The following CDK5RAP2 variants were observed in gnomAD, a reference collection of about 807,000 sequenced individuals.
CDK5RAP2 encodes CDK5 regulatory subunit associated protein 2, also known as CDK5 regulatory subunit-associated protein 2.
CDK5RAP2 carries 147 observed loss-of-function variants against 232.9 expected under a neutral mutation model. That is an observed-to-expected ratio of 0.63 (90% CI 0.55 to 0.72). The LOEUF (loss-of-function observed/expected upper bound fraction) is 0.72. CDK5RAP2 is among the 30% of genes least tolerant of loss of function. The pLI is 0.00. For synonymous variants in CDK5RAP2, 833 were observed against 833.7 expected (o/e 1.00, Z 0.01); for missense variants, 2,195 against 2,231.5 (o/e 0.98, Z 0.33).
At chr9:120,440,206 A>G (rs1240663645) in intron 23 of CDK5RAP2, 2 of 572,620 alleles carry the variant, frequency 3.5e-6, no homozygotes, top group African/African-American at 1.9e-5. Context: ...CCTCTTCCTC[A>G]GAGTGACTGT....
intron 9 of CDK5RAP2, 134 bp downstream of exon 9, chr9:120,528,610 G>A: frequency 1.4e-6 from 1 of 707,468 alleles, no homozygotes; most frequent in Admixed American, 2.0e-5. Flanking sequence ...AGTACCTTAT[G>A]CTTGACTGGC....
intron 24 of CDK5RAP2, among the ~76,000 whole-genome samples, chr9:120,438,566 G>A (rs1265467056): frequency 6.6e-6 from 1 of 152,188 alleles, no homozygotes; most frequent in African/African-American, 2.4e-5. Context: ...CTCTGTGAAT[G>A]TTCTCTGCCA....
In CDK5RAP2 at chr9:120,471,833, C is replaced by T. The variant is rs2037723540; in HGVS notation, c.1773G>A (p.Arg591=). ...QAELNKIFAL[R]KQLEQDVLSY... is the part of the protein sequence containing the mutation. ...AAAGCACATCCTGCTCCAGTTGCTT[C>T]CGCAGGGCAAAAATCTTGTTTAACT... The change falls in exon 16 of 38, where the codon CGG becomes CGA. Residue 591 remains arginine, a synonymous_variant. Coordinates refer to ENST00000349780, the MANE Select transcript of CDK5RAP2 (RefSeq NM_018249.6). 1 of 1,613,904 alleles carries T rather than the reference C, an allele frequency of 6.2e-7. No homozygotes were observed. The highest frequency in any genetic ancestry group is 1.7e-5 in the Admixed American group (1 of 60,012).
At chr9:120,424,036 G>A (rs1290927623) in intron 25 of CDK5RAP2, among the ~76,000 whole-genome samples, 3 of 152,184 alleles carry the variant, frequency 2.0e-5, no homozygotes, top group Non-Finnish European at 4.4e-5. Flanking sequence ...AGGCCTGAGT[G>A]ACCAGGCACC....
chr9:120,429,921 A>G (rs1368752515), intron 25 of CDK5RAP2, among the ~76,000 whole-genome samples: 3 of 152,198 alleles, frequency 2.0e-5, no homozygotes, highest in Non-Finnish European at 4.4e-5. Flanking sequence ...GATACAGATC[A>G]ATGGGAACAG....
intron 36 of CDK5RAP2, among the ~76,000 whole-genome samples, chr9:120,393,352 C>T (rs1328521950): frequency 6.6e-6 from 1 of 152,186 alleles, no homozygotes; most frequent in Admixed American, 6.5e-5. Flanking sequence ...TCAGTGGCTG[C>T]GCTCCTCTCT....
intron 22 of CDK5RAP2, among the ~76,000 whole-genome samples, chr9:120,445,432 C>T (rs986158192): frequency 1.3e-5 from 2 of 152,168 alleles, no homozygotes; most frequent in Admixed American, 6.5e-5. Flanking sequence ...CATTGCTTTA[C>T]GGTATAATTC....
intron 18 of CDK5RAP2, among the ~76,000 whole-genome samples, chr9:120,462,620 A>G (rs1430671073): frequency 6.6e-6 from 1 of 152,246 alleles, no homozygotes; most frequent in Non-Finnish European, 1.5e-5. Context: ...ATGAATCTCA[A>G]AAACATAATG....
chr9:120,491,386 C>T lies in CDK5RAP2; in HGVS notation c.1403G>A (p.Ser468Asn). The change falls in exon 13 of 38, where the codon AGC (serine) becomes AAC (asparagine). Residue 468 changes from serine to asparagine, a missense_variant. Physicochemically the swap from Ser to Asn is conservative, Grantham distance 46 (BLOSUM62 1). Transcript: ENST00000349780. ...ENRYKSLLSE[S>N]NKKLHNQEQV... The stretch of plus-strand genomic sequence containing the variant: ...CTCTTGATTGTGCAATTTTTTATTG[C>T]TTTCACTCAGAAGACTCTTGTAACG... The T allele has an allele frequency of 6.2e-7, 1 of 1,612,498 alleles. No individual in the cohort carries two copies. Among genetic ancestry groups the T allele is most frequent in the Non-Finnish European group, 8.5e-7 (1 of 1,178,882 alleles).
rs1018199274 is a variant in CDK5RAP2 at position 120,419,733 on chromosome 9, C to T, written c.4177+55G>A. 7.2e-6 allele frequency: 10 copies of T among 1,381,674 alleles called. No homozygotes were observed. In the African/African-American group the frequency reaches 1.4e-4, roughly 20 times the overall value. 85.6% of individuals were successfully genotyped at this position (1,381,674 alleles called of 1,614,324 possible). A position where few individuals can be genotyped will look rare whatever the true frequency, so the allele number is the denominator to read the frequency against. ...ACTCTGCTTACTAAGGTTAAGATGGCAAATTATTGTTTTAATCAGGCCATG... is the reference window on the plus strand; with the variant it reads ...ACTCTGCTTACTAAGGTTAAGATGGTAAATTATTGTTTTAATCAGGCCATG... On this transcript the variant is annotated intron_variant, in intron 27 of 37. Coordinates refer to ENST00000349780, the MANE Select transcript of CDK5RAP2 (RefSeq NM_018249.6).
intron 29 of CDK5RAP2, among the ~76,000 whole-genome samples, chr9:120,410,968 C>T (rs1455205058): frequency 6.6e-6 from 1 of 152,212 alleles, no homozygotes; most frequent in African/African-American, 2.4e-5. Context: ...AGTAGGAAAT[C>T]ACTAATTGAG....
rs1000746931 is a variant in CDK5RAP2 at position 120,574,661 on chromosome 9, C to A, written c.60-2620G>T. Among the ~76,000 whole-genome samples, 50 of 152,242 alleles carry A rather than the reference C, an allele frequency of 3.3e-4. 1 individual carries two copies. Among genetic ancestry groups the A allele is most frequent in the Admixed American group, 2.7e-3 (41 of 15,280 alleles). On this transcript the variant is annotated intron_variant, in intron 1 of 37. Coordinates refer to ENST00000349780, the MANE Select transcript of CDK5RAP2 (RefSeq NM_018249.6). Reference sequence around the variant, plus strand: ...GAAACCTGCCCTTGTATGGGGCACCCATGCTGCACAAGCACCACACTCAGC... The same window carrying A: ...GAAACCTGCCCTTGTATGGGGCACCAATGCTGCACAAGCACCACACTCAGC...
At chr9:120,568,995 C>T (rs1306200435) in intron 2 of CDK5RAP2, among the ~76,000 whole-genome samples, 2 of 152,186 alleles carry the variant, frequency 1.3e-5, no homozygotes, top group Admixed American at 6.5e-5. Context: ...CAAATCTCTC[C>T]GCAGCATCTT....
chr9:120,553,477 GT>G (rs1459301626), intron 3 of CDK5RAP2, among the ~76,000 whole-genome samples: 1 of 152,070 alleles, frequency 6.6e-6, no homozygotes, highest in Non-Finnish European at 1.5e-5. Context: ...CTCTGCCTTT[GT>G]GGGAAAAAAA....
chr9:120,463,585 C>CCT lies in CDK5RAP2; in HGVS notation c.2107-2920_2107-2919dup, dbSNP rs1224652217. The stretch of plus-strand genomic sequence containing the variant: ...GTTAGGAAAGAGGCACGGAGAAGCT[C>CCT]CTCCCAGACTCCTGCGGATCTGAGA... On this transcript the variant is annotated intron_variant, in intron 18 of 37. Transcript: ENST00000349780. Among the ~76,000 whole-genome samples, 3 of 152,146 alleles carry CCT rather than the reference C, an allele frequency of 2.0e-5. No homozygotes were observed. The East Asian group carries it at 5.8e-4, about 29-fold the overall frequency.
chr9:120,446,981 C>T (rs1227832370), intron 22 of CDK5RAP2, among the ~76,000 whole-genome samples: 4 of 151,826 alleles, frequency 2.6e-5, no homozygotes. Flanking sequence ...GTCTTCGCCC[C>T]GACCCTACAC....
chr9:120,464,902 C>A (rs2131483634), intron 18 of CDK5RAP2, among the ~76,000 whole-genome samples: 1 of 152,292 alleles, frequency 6.6e-6, no homozygotes, highest in East Asian at 1.9e-4. Context: ...TAAATGAAAT[C>A]TGCTCTGACA....
intron 4 of CDK5RAP2, among the ~76,000 whole-genome samples, chr9:120,547,650 T>C (rs2041898306): frequency 6.6e-6 from 1 of 151,976 alleles, no homozygotes; most frequent in African/African-American, 2.4e-5. Context: ...TCACAGGATA[T>C]GCCTCCCTCC....
At chr9:120,550,083 T>G (rs557180333) in intron 4 of CDK5RAP2, among the ~76,000 whole-genome samples, 13 of 152,210 alleles carry the variant, frequency 8.5e-5, no homozygotes, top group Non-Finnish European at 1.8e-4. Flanking sequence ...AAACAGGCAC[T>G]GAAATATTGT....
Sources: gnomAD v4.1 joint callset for allele counts (sites outside exome capture counted in the v4.1 genomes callset) on GRCh38, gnomAD v4.1.1 for gene constraint, MANE v1.5 for transcripts, NCBI Gene and HGNC (gene_info 2026-07-23, HGNC 2026-07-21) for gene names.